The following EEA1 variants were observed in gnomAD, a reference collection of about 807,000 sequenced individuals.
EEA1 encodes the protein early endosome antigen 1, 162kD.
A neutral mutation model predicts 209.2 loss-of-function variants in EEA1; 111 were observed. The ratio of observed to expected loss-of-function variants is 0.53; its 90% CI spans 0.45 to 0.62. The LOEUF (loss-of-function observed/expected upper bound fraction) is 0.62. EEA1 is among the 20% of genes least tolerant of loss of function. The pLI, the probability that EEA1 is intolerant of heterozygous loss-of-function variation, is 0.00. For synonymous variants in EEA1, 536 were observed against 540.6 expected, an observed-to-expected ratio of 0.99 and a Z score of 0.12; for missense variants, 1,343 against 1,530.8, an observed-to-expected ratio of 0.88 and a Z score of 2.05.
At chr12:92,916,636 G>A (rs1162364900) in intron 1 of EEA1, among the ~76,000 whole-genome samples, 3 of 105,802 alleles carry the variant, frequency 2.8e-5, no homozygotes, top group African/African-American at 8.8e-5. Flanking sequence ...AAACCACAAA[G>A]ATGGGGAAAA....
At chr12:92,910,427 C>T (rs1311378359) in intron 1 of EEA1, among the ~76,000 whole-genome samples, 2 of 151,714 alleles carry the variant, frequency 1.3e-5, no homozygotes, top group Non-Finnish European at 1.5e-5. Flanking sequence ...CAAGATCATG[C>T]CACTGCACTA....
At chr12:92,789,993 C>G (rs541946451) in intron 21 of EEA1, among the ~76,000 whole-genome samples, 1 of 152,320 alleles carries the variant, frequency 6.6e-6, no homozygotes, top group East Asian at 1.9e-4. Flanking sequence ...TGGTGATACC[C>G]AGGCAAACAG....
rs1873558992 is a variant in EEA1, at chr12:92,774,218, A to T, written c.*1793T>A. On this transcript the variant is annotated 3_prime_UTR_variant, in exon 29 of 29. Transcript: ENST00000322349. The stretch of plus-strand genomic sequence containing the variant: ...ATATTATCCAACTATTATTTTTAAT[A>T]AAGAGCCACTGTATTTCTTCATTAT... 1 of 151,524 alleles carries T rather than the reference A, an allele frequency of 6.6e-6. No individual in the cohort carries two copies. The highest frequency in any genetic ancestry group is 1.5e-5 in the Non-Finnish European group (1 of 67,584). 9.4% of individuals were successfully genotyped at this position (151,524 alleles called of 1,614,324 possible). A position where few individuals can be genotyped will look rare whatever the true frequency, so the allele number is the denominator to read the frequency against.
intron 2 of EEA1, among the ~76,000 whole-genome samples, chr12:92,883,357 C>A (rs907364095): frequency 2.6e-5 from 4 of 152,172 alleles, no homozygotes; most frequent in Non-Finnish European, 5.9e-5. Flanking sequence ...TTCTCCCATT[C>A]TGCAGGCTAT....
intron 10 of EEA1, among the ~76,000 whole-genome samples, chr12:92,833,668 G>A (rs1228644085): frequency 2.6e-5 from 4 of 152,158 alleles, no homozygotes; most frequent in African/African-American, 9.7e-5. Context: ...TCAGTTAGTG[G>A]ACCTTTAGTG....
In EEA1 at chr12:92,770,934, TCTTAA is replaced by T. The variant is rs1647586882; in HGVS notation, c.*5072_*5076del. ...TCATAGACATAGTAAGGTATCTGTC[TCTTAA>T]CTTTATTTTTTGAAGAATGATGGTG... On this transcript the variant is annotated 3_prime_UTR_variant, in exon 29 of 29. Transcript: ENST00000322349. 2 of 152,250 alleles carry T rather than the reference TCTTAA, an allele frequency of 1.3e-5. No individual in the cohort carries two copies. The highest frequency in any genetic ancestry group is 4.8e-5 in the African/African-American group (2 of 41,548). 9.4% of individuals were successfully genotyped at this position (152,250 alleles called of 1,614,324 possible).
At position 92,878,502 on chromosome 12, in the gene EEA1, G is replaced by A. The variant is rs539087784; in HGVS notation, c.117+13127C>T. 3.9e-5 allele frequency among the ~76,000 whole-genome samples: 6 copies of A among 152,292 alleles called. No homozygotes were observed. The East Asian group carries it at 5.8e-4, about 15-fold the overall frequency. On this transcript the variant is annotated intron_variant, in intron 2 of 28. Coordinates refer to ENST00000322349, the MANE Select transcript of EEA1 (RefSeq NM_003566.4). Reference sequence around the variant, plus strand: ...TTGAATGTTGGGGTAGGAAAGACTGGAGGGCAAGAATTTAGCTTAAACAAT... The same window carrying A: ...TTGAATGTTGGGGTAGGAAAGACTGAAGGGCAAGAATTTAGCTTAAACAAT...
chr12:92,821,908 A>T (rs568794562), intron 13 of EEA1, among the ~76,000 whole-genome samples: 1 of 150,164 alleles, frequency 6.7e-6, no homozygotes, highest in South Asian at 2.1e-4. Flanking sequence ...AATTTAACAA[A>T]AAAACCTTCA....
In EEA1 at chr12:92,816,817, G is replaced by A. The variant is rs544030989; in HGVS notation, c.1729-417C>T. 1.1e-4 allele frequency among the ~76,000 whole-genome samples: 16 copies of A among 146,012 alleles called. 2 individuals carry two copies. The highest frequency in any genetic ancestry group is 4.5e-4 in the African/African-American group (16 of 35,580). On this transcript the variant is annotated intron_variant, in intron 14 of 28. Coordinates refer to ENST00000322349, the MANE Select transcript of EEA1 (RefSeq NM_003566.4). ...TCCAGCCAATCACTGATTTGGTTAA[G>A]TAATAAGTTTTCTTTATATATTCTG...
In EEA1 at chr12:92,778,644, G is replaced by T. The variant is rs561392510; in HGVS notation, c.3655-465C>A. Among the ~76,000 whole-genome samples the T allele has an allele frequency of 2.6e-5, 4 of 152,138 alleles. No homozygotes were observed. The South Asian group carries it at 8.3e-4, about 32-fold the overall frequency. ...AATATTCAATGGCCAAGTTATCTGG[G>T]CATATTTGGACTTAATTCAACAGAG... On this transcript the variant is annotated intron_variant, in intron 25 of 28. Transcript: ENST00000322349.
intron 22 of EEA1, among the ~76,000 whole-genome samples, chr12:92,782,417 A>T (rs1873943128): frequency 6.6e-6 from 1 of 152,228 alleles, no homozygotes; most frequent in African/African-American, 2.4e-5. Context: ...CTGAATGTTG[A>T]TCACATCTTC....
intron 20 of EEA1, among the ~76,000 whole-genome samples, chr12:92,799,993 C>T (rs1335062603): frequency 4.6e-5 from 7 of 151,900 alleles, no homozygotes; most frequent in Non-Finnish European, 1.0e-4. Context: ...GAGGCCAACG[C>T]GGGCAGGTTA....
intron 1 of EEA1, among the ~76,000 whole-genome samples, chr12:92,899,605 A>T (rs1474388448): frequency 1.3e-5 from 2 of 152,200 alleles, no homozygotes; most frequent in African/African-American, 4.8e-5. Context: ...TCCTGCTGAC[A>T]CTGTAATCTG....
chr12:92,865,995 C>T (rs932872276), intron 2 of EEA1, among the ~76,000 whole-genome samples: 4 of 151,476 alleles, frequency 2.6e-5, no homozygotes, highest in African/African-American at 4.8e-5. Context: ...GTGATCCACC[C>T]GCCTCGGCCT....
chr12:92,787,031 C>T (rs999670093), intron 22 of EEA1, among the ~76,000 whole-genome samples: 88 of 152,206 alleles, frequency 5.8e-4, no homozygotes, highest in African/African-American at 1.5e-3. Flanking sequence ...AATTCAGGAC[C>T]TAATCAAGTC....
intron 21 of EEA1, among the ~76,000 whole-genome samples, chr12:92,791,218 A>G (rs1010195887): frequency 2.0e-5 from 3 of 152,224 alleles, no homozygotes; most frequent in African/African-American, 7.2e-5. Context: ...GCATTAATTA[A>G]CGGGCAAAAT....
intron 9 of EEA1, among the ~76,000 whole-genome samples, chr12:92,843,167 A>T (rs1456304027): frequency 2.6e-5 from 4 of 151,434 alleles, no homozygotes; most frequent in Non-Finnish European, 5.9e-5. Flanking sequence ...AATTATTATT[A>T]TTTTTTTTTA....
Position 92,929,285 on chromosome 12 carries a change from C to A in EEA1, c.-219G>T. The A allele has an allele frequency of 2.6e-6, 1 of 390,102 alleles. No individual in the cohort carries two copies. The allele number at this position is 390,102 out of a possible 1,614,324, so 24.2% of individuals were successfully genotyped here. A position where few individuals can be genotyped will look rare whatever the true frequency, so the allele number is the denominator to read the frequency against. Reference sequence around the variant, plus strand: ...AGCGAGCGAACGACTAGGCAGCCTGCGAGCGCCTCCAGCCCGCCCGCCGGG... The same window carrying A: ...AGCGAGCGAACGACTAGGCAGCCTGAGAGCGCCTCCAGCCCGCCCGCCGGG... On this transcript the variant is annotated 5_prime_UTR_variant, in exon 1 of 29. Coordinates refer to ENST00000322349, the MANE Select transcript of EEA1 (RefSeq NM_003566.4).
chr12:92,889,314 A>G (rs1879561989), intron 2 of EEA1, among the ~76,000 whole-genome samples: 1 of 152,082 alleles, frequency 6.6e-6, no homozygotes, highest in Non-Finnish European at 1.5e-5. Context: ...GAGAGGTAAG[A>G]AAAAAACCAG....
Sources: allele counts gnomAD v4.1 joint callset (sites outside exome capture counted in the v4.1 genomes callset), GRCh38; gene constraint gnomAD v4.1.1; transcripts MANE v1.5; gene names NCBI Gene and HGNC (gene_info 2026-07-23, HGNC 2026-07-21).